FRMPD4: variants seen among roughly 807,000 people sequenced by gnomAD.
FRMPD4 encodes FERM and PDZ domain containing 4.
In FRMPD4, 22 loss-of-function variants were observed where a neutral mutation model predicts 94.1. The ratio of observed to expected loss-of-function variants is 0.23; its 90% CI spans 0.17 to 0.33. The LOEUF is 0.33. FRMPD4 is among the 10% of genes least tolerant of loss of function. The probability of loss-of-function intolerance (pLI) is 1.00; values close to 1 mark genes in which losing one functional copy is unlikely to be tolerated. For synonymous variants in FRMPD4, 631 were observed against 548.6 expected (o/e 1.15, Z -2.10); for missense variants, 1,111 against 1,339.9 (o/e 0.83, Z 2.67).
At chrX:12,506,124 C>T (rs760255003) in intron 2 of FRMPD4, among the ~76,000 whole-genome samples, 1 of 111,517 alleles carries the variant, frequency 9.0e-6, no homozygotes, top group South Asian at 3.8e-4. Flanking sequence ...TGCCGCTGAG[C>T]ACATGGGGCT....
At chrX:12,306,401 C>T (rs1160810562) in intron 1 of FRMPD4, among the ~76,000 whole-genome samples, 1 of 111,967 alleles carries the variant, frequency 8.9e-6, no homozygotes, top group Non-Finnish European at 1.9e-5. Context: ...CAGTGACGAG[C>T]ATTTAGGAAA....
At chrX:11,857,469 T>G (rs1160100965) in intron 1 of FRMPD4, among the ~76,000 whole-genome samples, 1 of 112,705 alleles carries the variant, frequency 8.9e-6, no homozygotes, top group East Asian at 2.8e-4. Flanking sequence ...GATTCCCTAT[T>G]CAATGAATGG....
chrX:12,646,385 G>T (rs1307525819), intron 4 of FRMPD4, among the ~76,000 whole-genome samples: 2 of 111,682 alleles, frequency 1.8e-5, no homozygotes, highest in Non-Finnish European at 3.8e-5. Context: ...TCTCTGCTTT[G>T]CCATGGATAA....
intron 1 of FRMPD4, among the ~76,000 whole-genome samples, chrX:11,859,170 TA>T (rs942751510): frequency 5.4e-5 from 6 of 111,855 alleles, no homozygotes; most frequent in African/African-American, 1.9e-4. Context: ...TTTATTTAAT[TA>T]AAAAATTATT....
At chrX:12,468,846 T>C (rs2057477909) in intron 1 of FRMPD4, among the ~76,000 whole-genome samples, 1 of 112,085 alleles carries the variant, frequency 8.9e-6, no homozygotes, top group African/African-American at 3.2e-5. Context: ...AAAACACATG[T>C]TGATCTTACA....
chrX:12,138,956 G>A lies in FRMPD4; in HGVS notation c.-16G>A, dbSNP rs374838344. 8.7e-7 allele frequency: 1 copy of A among 1,153,380 alleles called. No individual in the cohort carries two copies. Among genetic ancestry groups the A allele is most frequent in the Non-Finnish European group, 1.2e-6 (1 of 865,212 alleles). ...GGCGACGGAGTTGTCGCGCTCGGGG[G>A]TCCCCAGCTGCCTGCATGGATGTCT... On this transcript the variant is annotated 5_prime_UTR_variant, in exon 1 of 17. Transcript: ENST00000675598.
chrX:12,112,805 T>C (rs2055377670), intron 3 of FRMPD4, among the ~76,000 whole-genome samples: 2 of 111,210 alleles, frequency 1.8e-5, no homozygotes, highest in African/African-American at 6.5e-5. Context: ...CTTCTAGTAG[T>C]AACACCCATC....
chrX:12,689,222 C>T (rs1315432922), intron 7 of FRMPD4, among the ~76,000 whole-genome samples: 1 of 111,872 alleles, frequency 8.9e-6, no homozygotes, highest in Admixed American at 9.5e-5. Context: ...ATTAGTTTTA[C>T]ATTGTAGTAA....
chrX:11,949,344 A>C lies in FRMPD4; in HGVS notation c.95+71326A>C, dbSNP rs185764093. Among the ~76,000 whole-genome samples, 519 of 111,802 alleles carry C rather than the reference A, an allele frequency of 4.6e-3. 1 individual carries two copies. Among genetic ancestry groups the C allele is most frequent in the Non-Finnish European group, 6.1e-3 (322 of 53,170 alleles). Reference sequence around the variant, plus strand: ...CTTTTCTTACTCACCTTTCCTCCCCACTGGGGCTTCAAGGATTCCTATTTT... The same window carrying C: ...CTTTTCTTACTCACCTTTCCTCCCCCCTGGGGCTTCAAGGATTCCTATTTT... On this transcript the variant is annotated intron_variant, in intron 3 of 18. Transcript: ENST00000640291.
chrX:12,419,169 C>A (rs1323091859), intron 1 of FRMPD4, among the ~76,000 whole-genome samples: 1 of 111,608 alleles, frequency 9.0e-6, no homozygotes, highest in Non-Finnish European at 1.9e-5. Context: ...CAACCTCCTG[C>A]CCCCAAACCT....
At chrX:12,234,713 A>C (rs914513993) in intron 1 of FRMPD4, among the ~76,000 whole-genome samples, 1 of 112,244 alleles carries the variant, frequency 8.9e-6, no homozygotes, top group Non-Finnish European at 1.9e-5. Flanking sequence ...TCTATATAAC[A>C]CTTTTAGGAG....
chrX:12,696,586 CAAAAAAAAAAA>C lies in FRMPD4; in HGVS notation c.933+2142_933+2152del, dbSNP rs57877846. 5.0e-3 allele frequency among the ~76,000 whole-genome samples: 149 copies of C among 30,057 alleles called. 3 individuals carry two copies. The East Asian group carries it at 0.13, about 27-fold the overall frequency. 26.1% of individuals were successfully genotyped at this position (30,057 alleles called of 115,157 possible). On this transcript the variant is annotated intron_variant, in intron 9 of 16. Transcript: ENST00000675598. ...AAAGAGAGAAAAAACAAAAATGAAG[CAAAAAAAAAAA>C]AAAAAAAAAGACACACTGTCTTTGA...
At chrX:11,991,875 C>G (rs1485622447) in intron 3 of FRMPD4, among the ~76,000 whole-genome samples, 1 of 111,999 alleles carries the variant, frequency 8.9e-6, no homozygotes. Flanking sequence ...TGATAAAGCA[C>G]GTATCTTAGT....
intron 1 of FRMPD4, among the ~76,000 whole-genome samples, chrX:12,428,059 G>A (rs763819624): frequency 1.2e-3 from 130 of 108,561 alleles, no homozygotes; most frequent in African/African-American, 3.9e-3. Flanking sequence ...ACAGGCGCCC[G>A]CCACCATGCC....
At chrX:12,155,630 G>A (rs1017210525) in intron 1 of FRMPD4, among the ~76,000 whole-genome samples, 109 of 94,206 alleles carry the variant, frequency 1.2e-3, no homozygotes, top group Non-Finnish European at 1.6e-3. Context: ...GTAAGGAGAC[G>A]AAAGCAAGGT....
chrX:12,553,466 A>ATATATATATATATACATATATATC (rs368999462), intron 2 of FRMPD4, among the ~76,000 whole-genome samples: 1 of 78,095 alleles, frequency 1.3e-5, no homozygotes, highest in Non-Finnish European at 2.3e-5. Context: ...ATATATATAT[A>ATATATATATATATACATATATATC]TCTAATCCAC....
intron 4 of FRMPD4, among the ~76,000 whole-genome samples, chrX:12,673,247 C>A (rs2059861949): frequency 8.9e-6 from 1 of 112,156 alleles, no homozygotes; most frequent in East Asian, 2.8e-4. Flanking sequence ...GGTTATAGAG[C>A]ATTTCTTATC....
At chrX:12,534,172 C>T (rs2058314683) in intron 2 of FRMPD4, among the ~76,000 whole-genome samples, 1 of 113,061 alleles carries the variant, frequency 8.8e-6, no homozygotes, top group African/African-American at 3.2e-5. Flanking sequence ...AGGGTACAAG[C>T]CTCAAGCCTT....
At chrX:12,594,451 T>TTTA (rs1555990302) in intron 2 of FRMPD4, among the ~76,000 whole-genome samples, 5,607 of 107,580 alleles carry the variant, frequency 0.052, 358 homozygotes, top group African/African-American at 0.19. Flanking sequence ...TTATTTATTT[T>TTTA]TTGAGATGGA....
Sources: allele counts gnomAD v4.1 joint callset (sites outside exome capture counted in the v4.1 genomes callset), GRCh38; gene constraint gnomAD v4.1.1; transcripts MANE v1.5; gene names NCBI Gene and HGNC (gene_info 2026-07-23, HGNC 2026-07-21).